CCDC150: variants seen among roughly 807,000 people sequenced by gnomAD.
The protein encoded by CCDC150 is coiled-coil domain-containing protein 150.
CCDC150 carries 151 observed loss-of-function variants against 156.5 expected under a neutral mutation model. The ratio of observed to expected loss-of-function variants is 0.97; its 90% confidence interval spans 0.85 to 1.10. The LOEUF (loss-of-function observed/expected upper bound fraction) is 1.10, where lower values mean the gene tolerates loss of function less well. Ranked by LOEUF, CCDC150 falls within the 50% of genes least tolerant of loss-of-function variation. The pLI is 0.00. For missense variants in CCDC150, 1,312 were observed against 1,268.1 expected, an observed-to-expected ratio of 1.03 and a Z score of -0.53; for synonymous variants, 452 against 429.4, an observed-to-expected ratio of 1.05 and a Z score of -0.65.
intron 2 of CCDC150, among the ~76,000 whole-genome samples, chr2:196,655,217 T>C (rs1216577921): frequency 6.6e-6 from 1 of 152,352 alleles, no homozygotes; most frequent in East Asian, 1.9e-4. Context: ...ACTACTGTCA[T>C]TCAGACTACA....
chr2:196,667,575 A>G (rs1253669068), intron 7 of CCDC150: 2 of 152,298 alleles, frequency 1.3e-5, no homozygotes, highest in African/African-American at 2.4e-5. Flanking sequence ...GAACTTTCAC[A>G]TAAACTATTT....
chr2:196,721,779 A>G (rs1697932278), intron 21 of CCDC150, 88 bp downstream of exon 21: 1 of 1,096,754 alleles, frequency 9.1e-7, no homozygotes. Flanking sequence ...CGCATAAATC[A>G]GTTAAACTCT....
intron 13 of CCDC150, among the ~76,000 whole-genome samples, chr2:196,681,565 C>T (rs1694820056): frequency 6.6e-6 from 1 of 152,132 alleles, no homozygotes; most frequent in African/African-American, 2.4e-5. Flanking sequence ...TTCCACAGCA[C>T]TAAACCATTT....
At chr2:196,699,440 T>G (rs1453219285) in intron 14 of CCDC150, among the ~76,000 whole-genome samples, 2 of 152,194 alleles carry the variant, frequency 1.3e-5, no homozygotes, top group African/African-American at 2.4e-5. Flanking sequence ...CCATAGATTT[T>G]TATCAAGTGT....
intron 22 of CCDC150, chr2:196,726,910 A>T (rs574642806): frequency 5.3e-5 from 8 of 152,292 alleles, no homozygotes; most frequent in Non-Finnish European, 7.3e-5. Context: ...GTTTCTGAGC[A>T]GGGGGTGGTA....
intron 13 of CCDC150, among the ~76,000 whole-genome samples, chr2:196,694,195 T>TA (rs765874949): frequency 2.0e-5 from 3 of 152,060 alleles, no homozygotes; most frequent in Admixed American, 6.6e-5. Context: ...TAGCTGGGAT[T>TA]ATAGGCATGT....
chr2:196,645,704 T>C (rs555348341), intron 1 of CCDC150, among the ~76,000 whole-genome samples: 59 of 152,350 alleles, frequency 3.9e-4, no homozygotes, highest in African/African-American at 1.4e-3. Context: ...GGAAAGTTGA[T>C]GTCAATAGCT....
intron 13 of CCDC150, among the ~76,000 whole-genome samples, chr2:196,683,136 A>G (rs2125629142): frequency 6.6e-6 from 1 of 152,182 alleles, no homozygotes; most frequent in East Asian, 1.9e-4. Context: ...ACCATTAAGT[A>G]TGATGTCAAC....
intron 22 of CCDC150, 67 bp downstream of exon 22, chr2:196,726,166 G>C (rs1282330554): frequency 1.9e-5 from 29 of 1,565,326 alleles, no homozygotes; most frequent in Non-Finnish European, 2.5e-5. Flanking sequence ...AAGGATTTCA[G>C]AGAATGGCTA....
chr2:196,652,145 A>G lies in CCDC150; in HGVS notation c.177-4488A>G, dbSNP rs146574367. Among the ~76,000 whole-genome samples the G allele has an allele frequency of 9.9e-4, 151 of 152,266 alleles. No individual in the cohort carries two copies. In the East Asian group the frequency reaches 0.019, roughly 19 times the overall value. ...AAATTTGGAGGGGACAAACATCCAAACTATATCATTCCACCCTTGGACCCC... is the reference window on the plus strand; with the variant it reads ...AAATTTGGAGGGGACAAACATCCAAGCTATATCATTCCACCCTTGGACCCC... On this transcript the variant is annotated intron_variant, in intron 2 of 27. Transcript: ENST00000389175.
chr2:196,708,661 T>A (rs1472058818), intron 15 of CCDC150, among the ~76,000 whole-genome samples: 1 of 152,234 alleles, frequency 6.6e-6, no homozygotes, highest in Non-Finnish European at 1.5e-5. Flanking sequence ...TTCCTTTCCA[T>A]GTTTAGTGCT....
chr2:196,708,538 A>G (rs1454123292), intron 15 of CCDC150, among the ~76,000 whole-genome samples: 1 of 152,110 alleles, frequency 6.6e-6, no homozygotes, highest in African/African-American at 2.4e-5. Context: ...TGTGAATTTG[A>G]TCCTGTCATC....
rs1176964297 is a variant in CCDC150 at position 196,666,730 on chromosome 2, G to A, written c.774G>A (p.Leu258=). ...VEVERKQVHI[L]QQNCIALRDS... ...TTATACAATTTCAGGTGCACATTTTGCAGCAAAACTGCATTGCTCTACGTG... is the reference window on the plus strand; with the variant it reads ...TTATACAATTTCAGGTGCACATTTTACAGCAAAACTGCATTGCTCTACGTG... Residue 258 remains leucine, a synonymous_variant, in exon 7 of 28, where the codon TTG becomes TTA. Coordinates refer to ENST00000389175, the MANE Select transcript of CCDC150 (RefSeq NM_001080539.2). 1 of 1,598,624 alleles carries A rather than the reference G, an allele frequency of 6.3e-7. No individual in the cohort carries two copies. The highest frequency in any genetic ancestry group is 8.5e-7 in the Non-Finnish European group (1 of 1,174,722).
In CCDC150 at chr2:196,695,040, T is replaced by G; in HGVS notation, c.1510-6T>G. 1 of 1,485,524 alleles carries G rather than the reference T, an allele frequency of 6.7e-7. No homozygotes were observed. The allele number at this position is 1,485,524 out of a possible 1,614,324, so 92.0% of individuals were successfully genotyped here. A position where few individuals can be genotyped will look rare whatever the true frequency, so the allele number is the denominator to read the frequency against. ...TAGTTTCTTTTTTACTTTTGTTTCT[T>G]TAAAGGTAGACATAAATACATTAAC... On this transcript the variant is annotated splice_region_variant and splice_polypyrimidine_tract_variant and intron_variant, in intron 13 of 27. Coordinates refer to ENST00000389175, the MANE Select transcript of CCDC150 (RefSeq NM_001080539.2).
chr2:196,700,646 A>G (rs945808015), intron 14 of CCDC150, among the ~76,000 whole-genome samples: 1 of 152,218 alleles, frequency 6.6e-6, no homozygotes, highest in African/African-American at 2.4e-5. Context: ...TGAGTCTCCA[A>G]TAAACATTTA....
chr2:196,672,280 AT>A, intron 8 of CCDC150, 64 bp from the exon 9 acceptor site: 2 of 712,216 alleles, frequency 2.8e-6, no homozygotes, highest in Non-Finnish European at 4.2e-6. Flanking sequence ...CAAAACAGTT[AT>A]TTTTATAGGG....
chr2:196,658,074 A>G (rs1437420653), intron 4 of CCDC150, among the ~76,000 whole-genome samples: 1 of 152,166 alleles, frequency 6.6e-6, no homozygotes, highest in African/African-American at 2.4e-5. Flanking sequence ...GAGATTTTTG[A>G]TATGGAAGTG....
At chr2:196,699,164 C>T (rs968854965) in intron 14 of CCDC150, among the ~76,000 whole-genome samples, 10 of 152,122 alleles carry the variant, frequency 6.6e-5, no homozygotes, top group African/African-American at 2.2e-4. Context: ...CTACATTTTG[C>T]TCAGGTTATT....
At chr2:196,700,393 A>C (rs1696127482) in intron 14 of CCDC150, among the ~76,000 whole-genome samples, 2 of 152,216 alleles carry the variant, frequency 1.3e-5, no homozygotes, top group Admixed American at 6.5e-5. Context: ...TGGAGAGTGA[A>C]AAGTCCATGT....
Sources: allele counts gnomAD v4.1 joint callset (sites outside exome capture counted in the v4.1 genomes callset), GRCh38; gene constraint gnomAD v4.1.1; transcripts MANE v1.5; gene names NCBI Gene and HGNC (gene_info 2026-07-23, HGNC 2026-07-21).